The following LARGE1 variants were observed in gnomAD, a reference collection of about 807,000 sequenced individuals.
The protein encoded by LARGE1 is LARGE xylosyl- and glucuronyltransferase 1, also known as xylosyl- and glucuronyltransferase LARGE1.
A neutral mutation model predicts 87.6 loss-of-function variants in LARGE1; 43 were observed. The ratio of observed to expected loss-of-function variants is 0.49; its 90% CI spans 0.38 to 0.63. The LOEUF is 0.63. Among genes scored for constraint, LARGE1 ranks in the 30% least tolerant of loss-of-function variants. The pLI is 0.00. For missense variants in LARGE1, 802 were observed against 1,000.2 expected, an observed-to-expected ratio of 0.80 and a Z score of 2.67; for synonymous variants, 434 against 394.6, an observed-to-expected ratio of 1.10 and a Z score of -1.18.
At chr22:33,426,285 A>G (rs1364662810) in intron 7 of LARGE1, among the ~76,000 whole-genome samples, 1 of 152,176 alleles carries the variant, frequency 6.6e-6, no homozygotes, top group Non-Finnish European at 1.5e-5. Context: ...AAAACAAAAC[A>G]GTTTTCTACC....
At chr22:33,082,020 G>GTTA in the LARGE1 span, among the ~76,000 whole-genome samples, 1 of 151,700 alleles carries the variant, frequency 6.6e-6, no homozygotes, top group East Asian at 1.9e-4. Context: ...TATTGTCGTT[G>GTTA]TTATTATTAT....
At chr22:33,561,453 G>A (rs1273741404) in intron 6 of LARGE1, among the ~76,000 whole-genome samples, 1 of 152,174 alleles carries the variant, frequency 6.6e-6, no homozygotes, top group Non-Finnish European at 1.5e-5. Context: ...ACCCCTGCCA[G>A]GTATACCAGA....
intron 13 of LARGE1, 104 bp downstream of exon 13, chr22:33,283,098 A>C (rs984960878): frequency 9.1e-6 from 13 of 1,426,858 alleles, no homozygotes; most frequent in Non-Finnish European, 1.3e-5. Context: ...ACAATGGACT[A>C]AGGCGAGCGA....
rs547655408 is a variant in LARGE1, at chr22:33,331,833, C to G, written c.1287+5813G>C. Among the ~76,000 whole-genome samples the G allele has an allele frequency of 2.6e-5, 4 of 152,228 alleles. No homozygotes were observed. The East Asian group carries it at 7.7e-4, about 29-fold the overall frequency. On this transcript the variant is annotated intron_variant, in intron 10 of 14. Transcript: ENST00000397394. ...GCTCATGTTGCTCCCTCCCACCCAC[C>G]AAGTTTACCCTTCAGACTCCTTCAC...
At chr22:33,466,725 C>CACACA (rs1290873508) in intron 6 of LARGE1, among the ~76,000 whole-genome samples, 14 of 151,734 alleles carry the variant, frequency 9.2e-5, no homozygotes, top group African/African-American at 3.1e-4. Context: ...TACACACACA[C>CACACA]ACTACACACA....
At position 33,283,252 on chromosome 22, in the gene LARGE1, T is replaced by C. The variant is rs11913417; in HGVS notation, c.1827A>G (p.Ser609=). The C allele has an allele frequency of 9.8e-3, 15,756 of 1,614,120 alleles. 386 individuals carry two copies. Among genetic ancestry groups the C allele is most frequent in the African/African-American group, 0.061 (4,547 of 75,024 alleles). ...TLRYRLSFPK[S]KAELLSMLDM... ...CCAGCATTGACAGCAACTCCGCTTT[T>C]GACTTGGGGAAGGACAGCCGGTAGC... Residue 609 remains serine (S), a synonymous_variant, in exon 13 of 15, where the codon TCA becomes TCG. Coordinates refer to ENST00000397394, the MANE Select transcript of LARGE1 (RefSeq NM_133642.5).
intron 7 of LARGE1, among the ~76,000 whole-genome samples, chr22:33,416,751 C>T (rs893006549): frequency 8.6e-5 from 13 of 151,592 alleles, no homozygotes; most frequent in African/African-American, 1.7e-4. Context: ...TTACAGGCAC[C>T]CGCCACCAGC....
At chr22:33,084,727 A>G in the LARGE1 span, among the ~76,000 whole-genome samples, 1 of 152,212 alleles carries the variant, frequency 6.6e-6, no homozygotes, top group Admixed American at 6.5e-5. Flanking sequence ...TAGCAACCAC[A>G]TTAAAAAGTA....
chr22:33,470,133 A>T, intron 6 of LARGE1, among the ~76,000 whole-genome samples: 1 of 151,256 alleles, frequency 6.6e-6, no homozygotes, highest in Non-Finnish European at 1.5e-5. Flanking sequence ...CTTGTGATCC[A>T]CCCGCCTCAG....
At chr22:33,650,710 C>T in intron 2 of LARGE1, 42 bp from the exon 3 acceptor site, 1 of 1,594,640 alleles carries the variant, frequency 6.3e-7, no homozygotes, top group Non-Finnish European at 8.5e-7. Context: ...CTGGATGAAC[C>T]ATGCCTCAAG....
At chr22:33,597,956 G>C (rs1602637674) in intron 5 of LARGE1, among the ~76,000 whole-genome samples, 1 of 152,136 alleles carries the variant, frequency 6.6e-6, no homozygotes. Flanking sequence ...CCCCTCCTCA[G>C]CAGCATCCTT....
chr22:33,747,079 C>A (rs563394825), intron 2 of LARGE1, among the ~76,000 whole-genome samples: 25 of 152,284 alleles, frequency 1.6e-4, no homozygotes, highest in South Asian at 4.1e-4. Context: ...TTCTTATCAT[C>A]TAGCAAATGC....
At chr22:33,306,310 T>G (rs1196030720) in intron 11 of LARGE1, among the ~76,000 whole-genome samples, 1 of 152,218 alleles carries the variant, frequency 6.6e-6, no homozygotes, top group East Asian at 1.9e-4. Flanking sequence ...TGGGGGACTC[T>G]GCGCTTCATG....
chr22:33,294,686 TG>T (rs563533564), intron 12 of LARGE1, among the ~76,000 whole-genome samples: 350 of 152,288 alleles, frequency 2.3e-3, no homozygotes, highest in African/African-American at 8.3e-3. Flanking sequence ...TTTCGCTCAC[TG>T]GTGGTGGCTG....
chr22:33,919,307 G>A lies in LARGE1; in HGVS notation c.-83+688C>T, dbSNP rs559520654. 4.6e-5 allele frequency among the ~76,000 whole-genome samples: 7 copies of A among 152,260 alleles called. No homozygotes were observed. The East Asian group carries it at 1.2e-3, about 25-fold the overall frequency. On this transcript the variant is annotated intron_variant, in intron 1 of 14. Transcript: ENST00000397394. ...TCCTTAAGAGGAACATTTAAAAGAG[G>A]ATAAGGCAATGAACAAAATAACTTG...
At chr22:33,479,708 C>G (rs2069227762) in intron 6 of LARGE1, among the ~76,000 whole-genome samples, 1 of 150,460 alleles carries the variant, frequency 6.6e-6, no homozygotes, top group Non-Finnish European at 1.5e-5. Context: ...TTATGTAAAT[C>G]AAAATGAGGG....
At chr22:33,744,789 G>T (rs956236511) in intron 2 of LARGE1, among the ~76,000 whole-genome samples, 6 of 152,330 alleles carry the variant, frequency 3.9e-5, no homozygotes, top group African/African-American at 7.2e-5. Flanking sequence ...GGGAGGAGAA[G>T]GAGGAAAGAC....
chr22:33,516,054 C>A (rs896373247), intron 6 of LARGE1, among the ~76,000 whole-genome samples: 1 of 152,146 alleles, frequency 6.6e-6, no homozygotes, highest in Non-Finnish European at 1.5e-5. Context: ...ACAGATAAAT[C>A]CATAGTGAAA....
the LARGE1 span, among the ~76,000 whole-genome samples, chr22:33,113,364 C>T: frequency 6.6e-6 from 1 of 152,114 alleles, no homozygotes; most frequent in Admixed American, 6.6e-5. Context: ...TGTGCCACCA[C>T]GCCTGGCTAA....
Sources: gnomAD v4.1 joint callset for allele counts (sites outside exome capture counted in the v4.1 genomes callset) on GRCh38, gnomAD v4.1.1 for gene constraint, MANE v1.5 for transcripts, NCBI Gene and HGNC (gene_info 2026-07-23, HGNC 2026-07-21) for gene names.